Variants in UGGT2 observed in about 807,000 individuals in gnomAD.
The protein encoded by UGGT2 is UDP-glucose glycoprotein glucosyltransferase 2.
A neutral mutation model predicts 192.1 loss-of-function variants in UGGT2; 180 were observed. The observed-to-expected ratio is 0.94, with a 90% CI of 0.83 to 1.06. The LOEUF is 1.06. UGGT2 is among the 50% of genes least tolerant of loss of function. UGGT2 has a pLI of 0.00. For synonymous variants in UGGT2, 580 were observed against 591.0 expected, an observed-to-expected ratio of 0.98 and a Z score of 0.27; for missense variants, 1,849 against 1,795.7, an observed-to-expected ratio of 1.03 and a Z score of -0.54.
intron 37 of UGGT2, among the ~76,000 whole-genome samples, chr13:95,833,377 G>C (rs1267832864): frequency 1.3e-5 from 2 of 152,116 alleles, no homozygotes; most frequent in African/African-American, 4.8e-5. Context: ...GAAGAACATA[G>C]CAGACTAGTG....
intron 1 of UGGT2, among the ~76,000 whole-genome samples, chr13:96,048,312 A>C (rs1287868377): frequency 6.6e-6 from 1 of 152,204 alleles, no homozygotes; most frequent in Non-Finnish European, 1.5e-5. Context: ...ACATACCAGA[A>C]TCTCTGGGAC....
intron 38 of UGGT2, among the ~76,000 whole-genome samples, chr13:95,810,995 C>T (rs1884554348): frequency 6.6e-6 from 1 of 152,126 alleles, no homozygotes; most frequent in South Asian, 2.1e-4. Context: ...CCAATAAGCA[C>T]ACAATAAGAT....
chr13:95,945,794 C>T (rs1270456859), intron 15 of UGGT2, among the ~76,000 whole-genome samples: 1 of 152,074 alleles, frequency 6.6e-6, no homozygotes, highest in Non-Finnish European at 1.5e-5. Context: ...GATGCATATT[C>T]CATGGCACTA....
At chr13:95,836,903 G>A (rs2139912377) in intron 37 of UGGT2, among the ~76,000 whole-genome samples, 183 bp downstream of exon 37, 1 of 152,298 alleles carries the variant, frequency 6.6e-6, no homozygotes, top group Non-Finnish European at 1.5e-5. Context: ...TCAAACCTCA[G>A]GGTGGTCTTG....
intron 4 of UGGT2, among the ~76,000 whole-genome samples, chr13:96,019,539 G>A (rs915039198): frequency 1.3e-5 from 2 of 152,146 alleles, no homozygotes; most frequent in South Asian, 2.1e-4. Context: ...GGCCTCACAC[G>A]GTCTTGGCAT....
chr13:95,861,314 T>TG (rs1890145533), intron 31 of UGGT2, among the ~76,000 whole-genome samples: 1 of 152,126 alleles, frequency 6.6e-6, no homozygotes, highest in Non-Finnish European at 1.5e-5. Context: ...GTGCTGCTGA[T>TG]GGGGCTCATC....
intron 32 of UGGT2, 47 bp downstream of exon 32, chr13:95,860,741 A>T (rs754217081): frequency 1.3e-5 from 16 of 1,232,300 alleles, no homozygotes; most frequent in Non-Finnish European, 1.1e-6. Flanking sequence ...AATTTGAACC[A>T]TGTAAATATT....
chr13:95,942,221 G>GGCGT (rs1285651365), intron 15 of UGGT2, among the ~76,000 whole-genome samples: 1 of 117,992 alleles, frequency 8.5e-6, no homozygotes, highest in Admixed American at 8.0e-5. Context: ...TTAGGGTGAG[G>GGCGT]GTGTGTGTGT....
intron 24 of UGGT2, among the ~76,000 whole-genome samples, chr13:95,892,297 C>A (rs915641272): frequency 6.6e-6 from 1 of 152,018 alleles, no homozygotes; most frequent in African/African-American, 2.4e-5. Flanking sequence ...AATCCTGAGC[C>A]CACTAGTAGA....
chr13:96,036,206 C>A (rs563399142), intron 1 of UGGT2, among the ~76,000 whole-genome samples: 1 of 152,240 alleles, frequency 6.6e-6, no homozygotes, highest in South Asian at 2.1e-4. Flanking sequence ...ATATACACTA[C>A]AGAATACTAT....
At chr13:95,847,061 C>CTTTTCT (rs1888543060) in intron 36 of UGGT2, among the ~76,000 whole-genome samples, 2 of 97,346 alleles carry the variant, frequency 2.1e-5, no homozygotes, top group Admixed American at 1.8e-4. Flanking sequence ...CTTTTCTTTT[C>CTTTTCT]TTTTTTTTTT....
intron 16 of UGGT2, among the ~76,000 whole-genome samples, chr13:95,938,803 C>T (rs914109832): frequency 7.2e-5 from 11 of 152,160 alleles, no homozygotes; most frequent in African/African-American, 2.7e-4. Flanking sequence ...CCAGCAGCAC[C>T]TGGATGGTAC....
chr13:95,978,621 T>A (rs2051016250), intron 10 of UGGT2, among the ~76,000 whole-genome samples: 1 of 152,216 alleles, frequency 6.6e-6, no homozygotes, highest in Non-Finnish European at 1.5e-5. Flanking sequence ...CCTAAAGCAT[T>A]TCCCCAATGT....
chr13:95,883,521 T>A (rs1046397228), intron 27 of UGGT2, among the ~76,000 whole-genome samples: 1 of 152,044 alleles, frequency 6.6e-6, no homozygotes, highest in African/African-American at 2.4e-5. Flanking sequence ...TGGGAGGTGA[T>A]TGGATCATGG....
intron 2 of UGGT2, among the ~76,000 whole-genome samples, chr13:96,026,053 A>G (rs1355868138): frequency 6.6e-6 from 1 of 152,176 alleles, no homozygotes; most frequent in Non-Finnish European, 1.5e-5. Context: ...ATGGAACAGA[A>G]TAATTAAAGA....
At chr13:95,904,433 A>C (rs1261721704) in intron 20 of UGGT2, among the ~76,000 whole-genome samples, 4 of 127,146 alleles carry the variant, frequency 3.1e-5, no homozygotes, top group Non-Finnish European at 5.0e-5. Context: ...TCCTAATGCT[A>C]TCCCTCCCCC....
At chr13:95,940,239 C>T (rs1406044843) in intron 15 of UGGT2, 148 bp from the exon 16 acceptor site, 1 of 487,170 alleles carries the variant, frequency 2.1e-6, no homozygotes, top group Non-Finnish European at 3.3e-6. Context: ...TAATTTTAAC[C>T]ATATATCATC....
Position 96,036,653 on chromosome 13 carries a change from G to C in UGGT2, c.159-4682C>G, listed in dbSNP as rs572356279. Among the ~76,000 whole-genome samples the C allele has an allele frequency of 4.6e-5, 7 of 152,204 alleles. No homozygotes were observed. The South Asian group carries it at 1.5e-3, about 32-fold the overall frequency. ...TTTGGAACTCTTCTGGAATCTCAGA[G>C]GCCATTTACTGGTAACTCATTATTA... On this transcript the variant is annotated intron_variant, in intron 1 of 38. Coordinates refer to ENST00000376747, the MANE Select transcript of UGGT2 (RefSeq NM_020121.4).
intron 38 of UGGT2, among the ~76,000 whole-genome samples, chr13:95,819,392 T>A (rs1885257416): frequency 1.3e-5 from 2 of 152,130 alleles, no homozygotes; most frequent in Admixed American, 1.3e-4. Flanking sequence ...TATCCTTACA[T>A]CTATCTTTGA....
Sources: allele counts gnomAD v4.1 joint callset (sites outside exome capture counted in the v4.1 genomes callset), GRCh38; gene constraint gnomAD v4.1.1; transcripts MANE v1.5; gene names NCBI Gene and HGNC (gene_info 2026-07-23, HGNC 2026-07-21).